Variants in GTF3C4 observed in about 807,000 individuals in gnomAD.
GTF3C4 encodes the protein general transcription factor IIIC subunit 4.
Under a neutral mutation model 67.5 loss-of-function variants are expected in GTF3C4, and 28 were observed. That is an observed-to-expected ratio of 0.41 (90% confidence interval 0.31 to 0.57). GTF3C4 has a LOEUF of 0.57. Ranked by LOEUF, GTF3C4 falls within the 20% of genes least tolerant of loss-of-function variation. The pLI, the probability that GTF3C4 is intolerant of heterozygous loss-of-function variation, is 0.21. For missense variants in GTF3C4, 831 were observed against 1,033.2 expected (o/e 0.80, Z 2.68); for synonymous variants, 409 against 393.0 (o/e 1.04, Z -0.48).
chr9:132,679,241 A>G lies in GTF3C4; in HGVS notation c.1622A>G (p.Asp541Gly). Residue 541 changes from aspartate to glycine, a missense_variant, in exon 2 of 5, where the codon GAC becomes GGC. Around this residue, in one of 4 missense-constraint regions of GTF3C4, gnomAD observed 390 missense variants for 540.3 expected, o/e 0.72. Transcript: ENST00000372146. The surrounding 1 kb of genome is among the most constrained non-coding windows in gnomAD (Gnocchi z 5.9). Reference sequence around the variant, plus strand: ...CTTTTTAAGCAGGTAGATTTAATAGACCTAGTACGCTGGAAGATTTTAAAA... The same window carrying G: ...CTTTTTAAGCAGGTAGATTTAATAGGCCTAGTACGCTGGAAGATTTTAAAA... ...QNLFKQVDLI[D>G]LVRWKILKDK... 6.2e-7 allele frequency: 1 copy of G among 1,613,514 alleles called. No individual in the cohort carries two copies. The highest frequency in any genetic ancestry group is 8.5e-7 in the Non-Finnish European group (1 of 1,179,644).
At chr9:132,688,720 G>A (rs977484012) in intron 4 of GTF3C4, among the ~76,000 whole-genome samples, 161 bp from the exon 5 acceptor site, 2 of 152,128 alleles carry the variant, frequency 1.3e-5, no homozygotes, top group African/African-American at 2.4e-5. Context: ...GATAGAAACC[G>A]AAGCCCAAAG....
chr9:132,670,140 G>C, upstream of GTF3C4: 1 of 1,592,320 alleles, frequency 6.3e-7, no homozygotes, highest in East Asian at 2.3e-5. Context: ...GCCCCCGCCT[G>C]GTGGCAGCCC....
chr9:132,686,999 A>G (rs1836040058), intron 3 of GTF3C4, among the ~76,000 whole-genome samples: 1 of 152,214 alleles, frequency 6.6e-6, no homozygotes, highest in African/African-American at 2.4e-5. Context: ...CTGATGCTCA[A>G]ACAGGAAAAC....
chr9:132,674,617 C>CT (rs1835838467), intron 1 of GTF3C4, among the ~76,000 whole-genome samples: 1 of 152,208 alleles, frequency 6.6e-6, no homozygotes, highest in African/African-American at 2.4e-5. Context: ...AGGAGTATTG[C>CT]TTAGTTCACA....
chr9:132,685,885 A>G (rs1344222107), intron 3 of GTF3C4, among the ~76,000 whole-genome samples: 1 of 152,228 alleles, frequency 6.6e-6, no homozygotes, highest in Non-Finnish European at 1.5e-5. Flanking sequence ...TCTGTTAGTT[A>G]AGATTGGGTA....
In GTF3C4 at chr9:132,678,430, G is replaced by A. The variant is rs201546911; in HGVS notation, c.811G>A (p.Val271Ile). Residue 271 changes from valine to isoleucine, a missense_variant, in exon 2 of 5, where the codon GTT becomes ATT. Around this residue, in one of 4 missense-constraint regions of GTF3C4, gnomAD observed 390 missense variants for 540.3 expected, o/e 0.72. Transcript: ENST00000372146. The surrounding 1 kb of genome is among the most constrained non-coding windows in gnomAD (Gnocchi z 6.5). ...CAAGCATAACAACGAATGCCGGGAC[G>A]TTGGCAGTGTGCTCCTGGCTGTCCT... is the stretch of plus-strand genomic sequence containing the variant. ...QVKHNNECRDVGSVLLAVLFE... is the reference protein window; with the variant it reads ...QVKHNNECRDIGSVLLAVLFE... 1.5e-5 allele frequency: 25 copies of A among 1,614,214 alleles called. No individual in the cohort carries two copies. Among genetic ancestry groups the A allele is most frequent in the South Asian group, 1.3e-4 (12 of 91,084 alleles).
At chr9:132,675,160 C>T (rs1371400491) in intron 1 of GTF3C4, among the ~76,000 whole-genome samples, 1 of 152,108 alleles carries the variant, frequency 6.6e-6, no homozygotes, top group Non-Finnish European at 1.5e-5. Context: ...GTATTAGTCT[C>T]ATTTATAAAT....
rs746399721 is a variant in GTF3C4, at chr9:132,678,756, T to G, written c.1137T>G (p.Leu379=). 10 of 1,613,952 alleles carry G rather than the reference T, an allele frequency of 6.2e-6. No individual in the cohort carries two copies. The South Asian group carries it at 9.9e-5, about 16-fold the overall frequency. ...LPVHSIKCVP[L]YHPYQKCSCS... ...TGCACAGTATCAAATGTGTGCCACT[T>G]TATCATCCTTACCAGAAGTGTAGTT... Residue 379 remains leucine (L), a synonymous_variant, in exon 2 of 5, where the codon CTT becomes CTG. Coordinates refer to ENST00000372146, the MANE Select transcript of GTF3C4 (RefSeq NM_012204.4). The surrounding 1 kb of genome is among the most constrained non-coding windows in gnomAD (Gnocchi z 6.5).
At chr9:132,674,943 A>C (rs1214473090) in intron 1 of GTF3C4, among the ~76,000 whole-genome samples, 4 of 152,202 alleles carry the variant, frequency 2.6e-5, no homozygotes, top group Non-Finnish European at 1.5e-5. Context: ...AGGTGAAAGG[A>C]TCACTTGACC....
intron 2 of GTF3C4, among the ~76,000 whole-genome samples, chr9:132,682,988 C>T (rs1325024067): frequency 6.6e-6 from 1 of 152,172 alleles, no homozygotes; most frequent in Non-Finnish European, 1.5e-5. Context: ...TCACTCCCAG[C>T]TTCTTGCTCC....
chr9:132,692,051 CAG>C lies in GTF3C4; in HGVS notation c.*3109_*3110del, dbSNP rs1202200742. The C allele has an allele frequency of 2.0e-5, 3 of 152,168 alleles. No individual in the cohort carries two copies. Among genetic ancestry groups the C allele is most frequent in the Admixed American group, 2.0e-4 (3 of 15,278 alleles). The allele number at this position is 152,168 out of a possible 1,614,324, so 9.4% of individuals were successfully genotyped here. A position where few individuals can be genotyped will look rare whatever the true frequency, so the allele number is the denominator to read the frequency against. On this transcript the variant is annotated 3_prime_UTR_variant, in exon 5 of 5. Coordinates refer to ENST00000372146, the MANE Select transcript of GTF3C4 (RefSeq NM_012204.4). ...TTTCTCTGCAACAGTTAAACTGCCT[CAG>C]AGTTTGTGAATTGCTGCAATTCCTG... is the stretch of plus-strand genomic sequence containing the variant.
chr9:132,674,205 A>C (rs76079710), intron 1 of GTF3C4, among the ~76,000 whole-genome samples: 1 of 152,226 alleles, frequency 6.6e-6, no homozygotes, highest in Non-Finnish European at 1.5e-5. Context: ...GAAAACCGCA[A>C]TTACTTTTGC....
At chr9:132,681,990 AT>A (rs1449903712) in intron 2 of GTF3C4, among the ~76,000 whole-genome samples, 4 of 137,526 alleles carry the variant, frequency 2.9e-5, no homozygotes, top group African/African-American at 1.1e-4. Context: ...AAAAAAAAAA[AT>A]TATCCTGGTG....
chr9:132,682,226 T>C (rs1256812831), intron 2 of GTF3C4, among the ~76,000 whole-genome samples: 1 of 152,180 alleles, frequency 6.6e-6, no homozygotes, highest in African/African-American at 2.4e-5. Context: ...TCTTTGCTGT[T>C]AGGGACCATA....
At chr9:132,681,801 C>G (rs2130899188) in intron 2 of GTF3C4, among the ~76,000 whole-genome samples, 1 of 152,026 alleles carries the variant, frequency 6.6e-6, no homozygotes, top group South Asian at 2.1e-4. Context: ...CTACTGAGAA[C>G]AAATAGCAAT....
At chr9:132,686,426 TAACCTCTGCCTGCTTGGAGTCCCTTCCC>T (rs1836028929) in intron 3 of GTF3C4, among the ~76,000 whole-genome samples, 1 of 77,548 alleles carries the variant, frequency 1.3e-5, no homozygotes, top group South Asian at 5.7e-4. Flanking sequence ...TCCCTTCCCC[TAACCTCTGCCTGCTTGGAGTCCCTTCCC>T]CAACCTCCTC....
At chr9:132,686,663 G>A (rs2130902278) in intron 3 of GTF3C4, among the ~76,000 whole-genome samples, 1 of 152,146 alleles carries the variant, frequency 6.6e-6, no homozygotes, top group East Asian at 1.9e-4. Context: ...TCATTTTTTT[G>A]CACCATTAAT....
At position 132,678,931 on chromosome 9, in the gene GTF3C4, G is replaced by T; in HGVS notation, c.1312G>T (p.Val438Phe). The change falls in exon 2 of 5, where the codon GTC becomes TTC. Residue 438 changes from valine to phenylalanine, a missense_variant. Val to Phe is a conservative substitution (Grantham distance 50, BLOSUM62 -1). This residue lies in a region of GTF3C4 where 390 missense variants were observed against 540.3 expected (regional missense o/e 0.72). Transcript: ENST00000372146. This position sits in a 1 kb window ranked among gnomAD's most constrained non-coding sequence, Gnocchi z 6.5. ...SMTADKQNGT[V>F]YTCSSDGKVR... is the part of the protein sequence containing the mutation. Reference sequence around the variant, plus strand: ...GACTGCAGACAAACAGAATGGAACAGTCTATACTTGCTCCAGTGACGGAAA... The same window carrying T: ...GACTGCAGACAAACAGAATGGAACATTCTATACTTGCTCCAGTGACGGAAA... 1 of 1,614,234 alleles carries T rather than the reference G, an allele frequency of 6.2e-7. No individual in the cohort carries two copies. The highest frequency in any genetic ancestry group is 8.5e-7 in the Non-Finnish European group (1 of 1,180,034).
At position 132,693,802 on chromosome 9, in the gene GTF3C4, C is replaced by T. The variant is rs1240622509; in HGVS notation, c.*4857C>T. The T allele has an allele frequency of 6.6e-6, 1 of 151,992 alleles. No individual in the cohort carries two copies. Among genetic ancestry groups the T allele is most frequent in the African/African-American group, 2.4e-5 (1 of 41,370 alleles). 9.4% of individuals were successfully genotyped at this position (151,992 alleles called of 1,614,324 possible). On this transcript the variant is annotated 3_prime_UTR_variant, in exon 5 of 5. Coordinates refer to ENST00000372146, the MANE Select transcript of GTF3C4 (RefSeq NM_012204.4). ...TAATGGAAAATTAAATGCTAAACGT[C>T]CTAAGAATTATGTTGTTTTCAAGGC...
Sources: allele counts gnomAD v4.1 joint callset (sites outside exome capture counted in the v4.1 genomes callset), GRCh38; gene constraint gnomAD v4.1.1; regional missense constraint gnomAD v4.1.1; non-coding constraint Gnocchi (gnomAD v3.1); transcripts MANE v1.5; gene names NCBI Gene and HGNC (gene_info 2026-07-23, HGNC 2026-07-21).